The following WTAP variants were observed in gnomAD, a reference collection of about 807,000 sequenced individuals.
WTAP encodes WT1 associated protein.
Under a neutral mutation model 50.0 loss-of-function variants are expected in WTAP, and 8 were observed. That is an observed-to-expected ratio of 0.16 (90% CI 0.09 to 0.29). The LOEUF (loss-of-function observed/expected upper bound fraction) is 0.29, where lower values mean the gene tolerates loss of function less well. Among genes scored for constraint, WTAP ranks in the 10% least tolerant of loss-of-function variants. The pLI, the probability that WTAP is intolerant of heterozygous loss-of-function variation, is 1.00. For synonymous variants in WTAP, 194 were observed against 169.0 expected, an observed-to-expected ratio of 1.15 and a Z score of -1.15; for missense variants, 295 against 470.7, an observed-to-expected ratio of 0.63 and a Z score of 3.45.
intron 2 of WTAP, 64 bp from the exon 3 acceptor site, chr6:159,738,926 T>C (rs6935631): frequency 8.3e-7 from 1 of 1,204,856 alleles, no homozygotes; most frequent in Non-Finnish European, 1.2e-6. Context: ...GTTTCATAGG[T>C]CTCATTATAG....
In WTAP at chr6:159,727,592, G is replaced by T; in HGVS notation, c.-120G>T. ...GCGGGACTAGGAGCGCGGCGGGGCC[G>T]GCGGCAGAGCTGTCCGGCTGCGCGG... is the stretch of plus-strand genomic sequence containing the variant. On this transcript the variant is annotated 5_prime_UTR_variant, in exon 1 of 8. Transcript: ENST00000621533. The T allele has an allele frequency of 1.0e-6, 1 of 986,910 alleles. No homozygotes were observed. The highest frequency in any genetic ancestry group is 1.2e-6 in the Non-Finnish European group (1 of 831,080). The allele number at this position is 986,910 out of a possible 1,614,324, so 61.1% of individuals were successfully genotyped here.
At chr6:159,746,441 C>T (rs529102161) in intron 5 of WTAP, among the ~76,000 whole-genome samples, 8 of 152,214 alleles carry the variant, frequency 5.3e-5, no homozygotes, top group Non-Finnish European at 1.0e-4. Context: ...TTAAGCTAAG[C>T]TTAGAAAAAA....
Position 159,753,450 on chromosome 6 carries a change from T to G in WTAP, c.453-10T>G. The G allele has an allele frequency of 6.2e-7, 1 of 1,614,200 alleles. No homozygotes were observed. Among genetic ancestry groups the G allele is most frequent in the African/African-American group, 1.3e-5 (1 of 75,060 alleles). Reference sequence around the variant, plus strand: ...CTTCATTTTGTGATGGATGGCTCTTTCCTTTGCAGCCAAACAGGGAAAAAG... The same window carrying G: ...CTTCATTTTGTGATGGATGGCTCTTGCCTTTGCAGCCAAACAGGGAAAAAG... On this transcript the variant is annotated splice_polypyrimidine_tract_variant and intron_variant, in intron 6 of 7. Coordinates refer to ENST00000621533, the MANE Select transcript of WTAP (RefSeq NM_001270531.2).
chr6:159,739,719 G>T (rs1476208633), intron 3 of WTAP, among the ~76,000 whole-genome samples: 5 of 151,368 alleles, frequency 3.3e-5, no homozygotes, highest in African/African-American at 1.2e-4. Flanking sequence ...GGAGAGAAAA[G>T]ATGTTTTGTG....
In WTAP at chr6:159,755,059, A is replaced by G. The variant is rs749324298; in HGVS notation, c.639A>G (p.Glu213=). Residue 213 remains glutamate, a synonymous_variant, in exon 8 of 8, where the codon GAA becomes GAG. Transcript: ENST00000621533. The part of the protein sequence containing the change: ...ELNDFIIQLD[E]EVEGMQSTIL... ...ATGACTTCATCATCCAGCTTGATGA[A>G]GAAGTAGAGGGTATGCAGAGTACCA... The G allele has an allele frequency of 6.2e-7, 1 of 1,613,508 alleles. No individual in the cohort carries two copies. Among genetic ancestry groups the G allele is most frequent in the East Asian group, 2.2e-5 (1 of 44,876 alleles).
chr6:159,741,256 C>T (rs1191170681), intron 3 of WTAP, among the ~76,000 whole-genome samples: 5 of 152,064 alleles, frequency 3.3e-5, no homozygotes, highest in African/African-American at 1.2e-4. Context: ...ACAACGGTCC[C>T]CTTGTATTCT....
At chr6:159,751,123 T>C (rs1779804247) in intron 6 of WTAP, among the ~76,000 whole-genome samples, 2 of 152,152 alleles carry the variant, frequency 1.3e-5, no homozygotes, top group African/African-American at 4.8e-5. Flanking sequence ...TTTTAAAAAA[T>C]TATTTCAAAA....
chr6:159,749,597 C>T (rs1346338147), intron 6 of WTAP, among the ~76,000 whole-genome samples: 1 of 152,158 alleles, frequency 6.6e-6, no homozygotes, highest in African/African-American at 2.4e-5. Context: ...AAAAGACCTA[C>T]ATAAAAGACA....
chr6:159,748,537 C>G lies in WTAP; in HGVS notation c.452+168C>G, dbSNP rs930540251. On this transcript the variant is annotated intron_variant, in intron 6 of 7. Transcript: ENST00000621533. This position sits in a 1 kb window ranked among gnomAD's most constrained non-coding sequence, Gnocchi z 5.6. ...CTTGTAATGGTTAATGTAAAACTTA[C>G]CAGATGAACCTTGTGTTTCAGCTTT... is the stretch of plus-strand genomic sequence containing the variant. 1.5e-6 allele frequency: 2 copies of G among 1,377,452 alleles called. No homozygotes were observed. The highest frequency in any genetic ancestry group is 2.7e-5 in the East Asian group (1 of 37,442). The allele number at this position is 1,377,452 out of a possible 1,614,324, so 85.3% of individuals were successfully genotyped here.
intron 4 of WTAP, 35 bp downstream of exon 4, chr6:159,742,181 A>C (rs56315277): frequency 0.038 from 57,452 of 1,508,258 alleles, 2,761 homozygotes; most frequent in African/African-American, 0.23. Context: ...AAGACTGAAT[A>C]ATCTCCTTTT....
Position 159,734,383 on chromosome 6 carries a change from A to G in WTAP, c.-8-1875A>G, listed in dbSNP as rs573615510. ...AGAGTGAGACTCCATCTCAAAAAAA[A>G]AAAAAAAAATTCAGTTTAACATACC... On this transcript the variant is annotated intron_variant, in intron 1 of 7. Transcript: ENST00000621533. Among the ~76,000 whole-genome samples the G allele has an allele frequency of 5.8e-4, 88 of 152,190 alleles. No individual in the cohort carries two copies. The East Asian group carries it at 0.016, about 28-fold the overall frequency.
chr6:159,730,814 A>G (rs1778520348), intron 1 of WTAP: 2 of 152,226 alleles, frequency 1.3e-5, no homozygotes, highest in African/African-American at 4.8e-5. Flanking sequence ...CCTGACTTAC[A>G]TTACAAATAC....
At chr6:159,747,888 T>TTAAA (rs146802783) in intron 5 of WTAP, among the ~76,000 whole-genome samples, 115,105 of 151,544 alleles carry the variant, frequency 0.76, 44,175 homozygotes, top group South Asian at 0.85. Context: ...GTGAGTAACC[T>TTAAA]TAAATAGTTA....
chr6:159,738,510 G>T (rs1779055080), intron 2 of WTAP, among the ~76,000 whole-genome samples: 2 of 152,086 alleles, frequency 1.3e-5, no homozygotes, highest in Non-Finnish European at 2.9e-5. Flanking sequence ...ATAGTTTTCA[G>T]TTTTTTAGCT....
chr6:159,729,120 C>A (rs1484402102), intron 1 of WTAP, among the ~76,000 whole-genome samples: 2 of 152,196 alleles, frequency 1.3e-5, no homozygotes, highest in Non-Finnish European at 2.9e-5. Flanking sequence ...AGCATTGTCA[C>A]AATTTGTACA....
rs542352097 is a variant in WTAP, at chr6:159,729,792, TATG to T, written c.-9+2092_-9+2094del. 3.9e-4 allele frequency among the ~76,000 whole-genome samples: 59 copies of T among 152,362 alleles called. 1 individual carries two copies. The East Asian group carries it at 0.011, about 29-fold the overall frequency. On this transcript the variant is annotated intron_variant, in intron 1 of 7. Transcript: ENST00000621533. The stretch of plus-strand genomic sequence containing the variant: ...TGCAGATTGGTGTCTTACATTCAGC[TATG>T]ATTTGTTCGCCAAGGTACCGTGTCT...
At chr6:159,732,834 G>A in intron 1 of WTAP, among the ~76,000 whole-genome samples, 1 of 150,140 alleles carries the variant, frequency 6.7e-6, no homozygotes, top group African/African-American at 2.5e-5. Flanking sequence ...GAGGGGGAGT[G>A]TCTCTGTCTG....
intron 1 of WTAP, chr6:159,730,809 C>T (rs866279812): frequency 6.6e-6 from 1 of 152,116 alleles, no homozygotes. Context: ...TTACTCCTGA[C>T]TTACATTACA....
Position 159,755,496 on chromosome 6 carries a change from G to A in WTAP, c.1076G>A (p.Ser359Asn), listed in dbSNP as rs747820168. 6 of 1,614,036 alleles carry A rather than the reference G, an allele frequency of 3.7e-6. No individual in the cohort carries two copies. The highest frequency in any genetic ancestry group is 5.1e-6 in the Non-Finnish European group (6 of 1,180,054). ...CACCAATCAAATGACACAGACTCCA[G>A]TCATGACCCTCAAGAGGAGAAAGCA... is the stretch of plus-strand genomic sequence containing the variant. ...LTHQSNDTDS[S>N]HDPQEEKAVS... is the part of the protein sequence containing the mutation. The change falls in exon 8 of 8, where the codon AGT becomes AAT. Residue 359 changes from serine (S) to asparagine (N), a missense_variant. Around this residue, in one of 2 missense-constraint regions of WTAP, gnomAD observed 175 missense variants for 183.1 expected, o/e 0.96. Coordinates refer to ENST00000621533, the MANE Select transcript of WTAP (RefSeq NM_001270531.2).
Sources: allele counts gnomAD v4.1 joint callset (sites outside exome capture counted in the v4.1 genomes callset), GRCh38; gene constraint gnomAD v4.1.1; regional missense constraint gnomAD v4.1.1; non-coding constraint Gnocchi (gnomAD v3.1); transcripts MANE v1.5; gene names NCBI Gene and HGNC (gene_info 2026-07-23, HGNC 2026-07-21).